OLFM3: variants seen among roughly 807,000 people sequenced by gnomAD.
OLFM3 encodes olfactomedin 3.
In OLFM3, 20 loss-of-function variants were observed where a neutral mutation model predicts 48.6. That is an observed-to-expected ratio of 0.41 (90% CI 0.29 to 0.60). OLFM3 has a LOEUF of 0.60. OLFM3 is among the 20% of genes least tolerant of loss of function. The pLI, the probability that OLFM3 is intolerant of heterozygous loss-of-function variation, is 0.28. For synonymous variants in OLFM3, 222 were observed against 198.1 expected, an observed-to-expected ratio of 1.12 and a Z score of -1.01; for missense variants, 437 against 544.3, an observed-to-expected ratio of 0.80 and a Z score of 1.96.
At chr1:101,970,748 C>T (rs569752245) in intron 1 of OLFM3, among the ~76,000 whole-genome samples, 5 of 152,318 alleles carry the variant, frequency 3.3e-5, no homozygotes, top group South Asian at 2.1e-4. Context: ...GGACCACCCT[C>T]CCCTGACCCG....
At chr1:101,921,232 CAA>C (rs201965482) in intron 1 of OLFM3, among the ~76,000 whole-genome samples, 1 of 144,450 alleles carries the variant, frequency 6.9e-6, no homozygotes, top group Non-Finnish European at 1.5e-5. Flanking sequence ...CACACACACA[CAA>C]ATATTCCTTT....
intron 1 of OLFM3, among the ~76,000 whole-genome samples, chr1:101,975,364 T>C (rs575259355): frequency 1.3e-5 from 2 of 152,296 alleles, no homozygotes; most frequent in South Asian, 4.1e-4. Flanking sequence ...TTTACTTCTA[T>C]GGAAACGTAA....
At chr1:101,969,867 G>A (rs1191517944) in intron 1 of OLFM3, among the ~76,000 whole-genome samples, 1 of 152,104 alleles carries the variant, frequency 6.6e-6, no homozygotes, top group Admixed American at 6.6e-5. Context: ...AAAGGAAGAG[G>A]TATTTCTAAG....
intron 1 of OLFM3, among the ~76,000 whole-genome samples, chr1:101,984,423 A>C (rs1661179994): frequency 6.6e-6 from 1 of 152,094 alleles, no homozygotes; most frequent in Non-Finnish European, 1.5e-5. Flanking sequence ...TTCTTCAATA[A>C]GCAGTGCTCT....
At chr1:101,849,010 C>G (rs1436940709) in intron 1 of OLFM3, among the ~76,000 whole-genome samples, 1 of 152,060 alleles carries the variant, frequency 6.6e-6, no homozygotes, top group Admixed American at 6.6e-5. Flanking sequence ...AAAAACAATA[C>G]AAATGGAATG....
At chr1:101,991,040 T>C (rs1219464843) in intron 1 of OLFM3, among the ~76,000 whole-genome samples, 5 of 114,604 alleles carry the variant, frequency 4.4e-5, no homozygotes, top group African/African-American at 1.3e-4. Flanking sequence ...TATATATATA[T>C]ACTTCGTGGT....
Position 101,994,880 on chromosome 1 carries a change from A to T in OLFM3, c.69+1868T>A, listed in dbSNP as rs191153176. Among the ~76,000 whole-genome samples, 66 of 152,120 alleles carry T rather than the reference A, an allele frequency of 4.3e-4. No homozygotes were observed. The East Asian group carries it at 5.6e-3, about 13-fold the overall frequency. ...GGATTTTTCAGCTCATTTGTAGCAA[A>T]TATCCACAGCTCATTCTGAAGAAAG... On this transcript the variant is annotated intron_variant, in intron 1 of 5. Coordinates refer to ENST00000370103, the MANE Select transcript of OLFM3 (RefSeq NM_058170.4).
chr1:101,907,409 C>G (rs527335254), intron 1 of OLFM3, among the ~76,000 whole-genome samples: 5 of 152,190 alleles, frequency 3.3e-5, no homozygotes, highest in African/African-American at 1.2e-4. Context: ...GGTTTCAAAA[C>G]TCTGCCTCAC....
At chr1:101,896,355 C>T (rs1658199939) in intron 1 of OLFM3, among the ~76,000 whole-genome samples, 1 of 152,062 alleles carries the variant, frequency 6.6e-6, no homozygotes, top group South Asian at 2.1e-4. Flanking sequence ...TTTGCCATGG[C>T]ACTTGTTACT....
intron 4 of OLFM3, among the ~76,000 whole-genome samples, chr1:101,812,057 CCA>C (rs1654081399): frequency 2.0e-5 from 3 of 152,108 alleles, no homozygotes; most frequent in Non-Finnish European, 4.4e-5. Context: ...AAGCTGGAAA[CCA>C]TCATTCTCAG....
At chr1:101,961,377 AT>A (rs1660463075) in intron 1 of OLFM3, among the ~76,000 whole-genome samples, 1 of 152,058 alleles carries the variant, frequency 6.6e-6, no homozygotes, top group Non-Finnish European at 1.5e-5. Flanking sequence ...TTAGTAATCT[AT>A]CAAATTTTGC....
At chr1:101,875,110 T>C (rs1335047263) in intron 1 of OLFM3, among the ~76,000 whole-genome samples, 1 of 152,002 alleles carries the variant, frequency 6.6e-6, no homozygotes, top group Non-Finnish European at 1.5e-5. Context: ...TCACTGTTAA[T>C]GAAGAAAAAT....
intron 1 of OLFM3, among the ~76,000 whole-genome samples, chr1:101,888,199 C>T (rs754394244): frequency 3.3e-5 from 5 of 152,046 alleles, no homozygotes; most frequent in Non-Finnish European, 7.4e-5. Flanking sequence ...CAAGACAATC[C>T]TAAGCAAAAA....
intron 4 of OLFM3, among the ~76,000 whole-genome samples, chr1:101,814,496 G>A (rs1654233193): frequency 6.6e-6 from 1 of 152,134 alleles, no homozygotes; most frequent in Non-Finnish European, 1.5e-5. Flanking sequence ...ACTTGATATT[G>A]GGAGGGTAAG....
chr1:101,976,466 G>C (rs966354143), intron 1 of OLFM3, among the ~76,000 whole-genome samples: 28 of 152,082 alleles, frequency 1.8e-4, no homozygotes, highest in African/African-American at 6.8e-4. Context: ...AATTACACAC[G>C]GATACAAATA....
At chr1:101,837,102 A>T in intron 1 of OLFM3, 77 bp from the exon 2 acceptor site, 1 of 1,393,896 alleles carries the variant, frequency 7.2e-7, no homozygotes, top group Non-Finnish European at 9.8e-7. Flanking sequence ...TAGCATTTCA[A>T]GTAAAACACT....
At chr1:101,982,333 T>C (rs1309176061) in intron 1 of OLFM3, among the ~76,000 whole-genome samples, 2 of 152,096 alleles carry the variant, frequency 1.3e-5, no homozygotes, top group Admixed American at 6.5e-5. Flanking sequence ...GGGATTCTTC[T>C]TAGTAATTTT....
At chr1:101,856,916 G>A (rs1656446840) in intron 1 of OLFM3, among the ~76,000 whole-genome samples, 1 of 151,958 alleles carries the variant, frequency 6.6e-6, no homozygotes, top group Non-Finnish European at 1.5e-5. Flanking sequence ...AAAGAAGAGG[G>A]AATTAGTACC....
intron 1 of OLFM3, among the ~76,000 whole-genome samples, chr1:101,860,576 G>T (rs1004849079): frequency 6.6e-6 from 1 of 151,754 alleles, no homozygotes; most frequent in South Asian, 2.1e-4. Context: ...CTCTTCAATC[G>T]TTAAAGAATG....
Sources: gnomAD v4.1 joint callset for allele counts (sites outside exome capture counted in the v4.1 genomes callset) on GRCh38, gnomAD v4.1.1 for gene constraint, MANE v1.5 for transcripts, NCBI Gene and HGNC (gene_info 2026-07-23, HGNC 2026-07-21) for gene names.